Variants in PCDH15 observed in about 807,000 individuals in gnomAD.
The protein encoded by PCDH15 is protocadherin-15.
In PCDH15, 129 loss-of-function variants were observed where a neutral mutation model predicts 178.5. That is an observed-to-expected ratio of 0.72 (90% CI 0.63 to 0.84). PCDH15 has a LOEUF of 0.84. Ranked by LOEUF, PCDH15 falls within the 40% of genes least tolerant of loss-of-function variation. PCDH15 has a pLI of 0.00. For synonymous variants in PCDH15, 800 were observed against 732.0 expected (o/e 1.09, Z -1.50); for missense variants, 2,230 against 2,099.9 (o/e 1.06, Z -1.21).
intron 1 of PCDH15, among the ~76,000 whole-genome samples, chr10:54,723,075 C>T (rs1335742603): frequency 6.6e-6 from 1 of 151,396 alleles, no homozygotes; most frequent in Non-Finnish European, 1.5e-5. Flanking sequence ...CAAAATAGAT[C>T]CCAAATAGCC....
intron 2 of PCDH15, among the ~76,000 whole-genome samples, chr10:55,454,362 C>A (rs1398430911): frequency 2.0e-5 from 3 of 151,772 alleles, no homozygotes; most frequent in Non-Finnish European, 4.4e-5. Flanking sequence ...ATATAATTTC[C>A]CCCCAATTTA....
At chr10:55,414,892 C>T (rs1838439580) in intron 2 of PCDH15, among the ~76,000 whole-genome samples, 1 of 150,620 alleles carries the variant, frequency 6.6e-6, no homozygotes, top group South Asian at 2.1e-4. Context: ...TTACTTCTTC[C>T]TTTCTGATTT....
chr10:55,491,914 G>A (rs1378585574), intron 2 of PCDH15, among the ~76,000 whole-genome samples: 1 of 151,472 alleles, frequency 6.6e-6, no homozygotes, highest in East Asian at 2.0e-4. Flanking sequence ...ACCTACTCAA[G>A]GGCAATCAGA....
intron 4 of PCDH15, among the ~76,000 whole-genome samples, chr10:54,375,836 A>T (rs1948325737): frequency 1.0e-5 from 1 of 97,026 alleles, no homozygotes; most frequent in Non-Finnish European, 2.1e-5. Flanking sequence ...TTGAAATGGA[A>T]TATATATATA....
chr10:54,140,467 T>A (rs2043292862), intron 14 of PCDH15, among the ~76,000 whole-genome samples: 1 of 151,644 alleles, frequency 6.6e-6, no homozygotes. Flanking sequence ...TACTGTTTAT[T>A]TCTGCTTTTT....
intron 2 of PCDH15, among the ~76,000 whole-genome samples, chr10:55,024,096 G>A (rs1840411319): frequency 7.3e-6 from 1 of 136,556 alleles, no homozygotes; most frequent in African/African-American, 2.8e-5. Flanking sequence ...TATATAGGAA[G>A]GAATATACAT....
At chr10:55,159,088 G>C (rs2132110770) in intron 2 of PCDH15, among the ~76,000 whole-genome samples, 1 of 152,002 alleles carries the variant, frequency 6.6e-6, no homozygotes, top group Middle Eastern at 3.4e-3. Flanking sequence ...AATGACTTTA[G>C]TACAGACAAA....
At chr10:54,488,292 T>G (rs1167688205) in intron 3 of PCDH15, among the ~76,000 whole-genome samples, 1 of 151,880 alleles carries the variant, frequency 6.6e-6, no homozygotes, top group Non-Finnish European at 1.5e-5. Context: ...ATTAATTGGA[T>G]ACTTGGATTA....
At chr10:54,802,150 CAT>C (rs1156277702), upstream of PCDH15, among the ~76,000 whole-genome samples, 4 of 152,146 alleles carry the variant, frequency 2.6e-5, no homozygotes, top group Non-Finnish European at 4.4e-5. Context: ...CCCCAGAACA[CAT>C]GTTTTCTTAA....
At chr10:54,628,851 TC>T (rs2093627949) in intron 2 of PCDH15, among the ~76,000 whole-genome samples, 1 of 152,160 alleles carries the variant, frequency 6.6e-6, no homozygotes, top group African/African-American at 2.4e-5. Context: ...CACCAAGACT[TC>T]CATTTCAGTT....
At chr10:55,169,291 G>A (rs966817715) in intron 1 of PCDH15, among the ~76,000 whole-genome samples, 5 of 152,106 alleles carry the variant, frequency 3.3e-5, no homozygotes, top group Non-Finnish European at 7.4e-5. Flanking sequence ...TGAAAACGTC[G>A]TGTTGCACAC....
chr10:54,578,529 C>G (rs1194318012), intron 2 of PCDH15, among the ~76,000 whole-genome samples: 3 of 151,990 alleles, frequency 2.0e-5, no homozygotes, highest in African/African-American at 7.2e-5. Flanking sequence ...TAATTATAAA[C>G]ATAGTAATTT....
At chr10:54,354,024 T>G (rs568128261) in intron 5 of PCDH15, among the ~76,000 whole-genome samples, 36 of 152,328 alleles carry the variant, frequency 2.4e-4, no homozygotes, top group Admixed American at 2.0e-4. Context: ...TCGCTCTTGT[T>G]GGCCAGGCTG....
At chr10:55,269,597 T>G (rs1222186257) in intron 1 of PCDH15, among the ~76,000 whole-genome samples, 2 of 151,888 alleles carry the variant, frequency 1.3e-5, no homozygotes, top group Non-Finnish European at 1.5e-5. Context: ...TCTCTACAAG[T>G]AGAACTGCAA....
rs1246742567 is a variant in PCDH15 at position 54,622,691 on chromosome 10, A to T, written c.91+41481T>A. Among the ~76,000 whole-genome samples, 756 of 79,888 alleles carry T rather than the reference A, an allele frequency of 9.5e-3. 27 individuals carry two copies. The highest frequency in any genetic ancestry group is 0.04 in the African/African-American group (704 of 17,764). 52.4% of individuals were successfully genotyped at this position (79,888 alleles called of 152,430 possible). On this transcript the variant is annotated intron_variant, in intron 2 of 37. Transcript: ENST00000644397. ...TATTATATATAATATATATTATATA[A>T]TATATATTTTCTATATATTATATAT...
chr10:55,316,722 G>C (rs1843730804), intron 1 of PCDH15, among the ~76,000 whole-genome samples: 1 of 152,108 alleles, frequency 6.6e-6, no homozygotes, highest in South Asian at 2.1e-4. Flanking sequence ...TAACTTCTAA[G>C]TATCAGTTTC....
At chr10:55,347,601 A>T (rs1844797570) in intron 2 of PCDH15, among the ~76,000 whole-genome samples, 1 of 152,154 alleles carries the variant, frequency 6.6e-6, no homozygotes, top group African/African-American at 2.4e-5. Flanking sequence ...TATTTCATGT[A>T]AATTAATTAC....
chr10:55,001,751 G>C (rs1289356509), intron 2 of PCDH15, among the ~76,000 whole-genome samples: 2 of 152,152 alleles, frequency 1.3e-5, no homozygotes, highest in Non-Finnish European at 2.9e-5. Context: ...GCCAGGCCAA[G>C]TAGGTGGAAT....
intron 2 of PCDH15, among the ~76,000 whole-genome samples, chr10:54,903,067 T>A (rs917906698): frequency 6.6e-6 from 1 of 152,134 alleles, no homozygotes; most frequent in African/African-American, 2.4e-5. Flanking sequence ...TGGCCAAATA[T>A]ATATGAGTAT....
Sources: gnomAD v4.1 joint callset for allele counts (sites outside exome capture counted in the v4.1 genomes callset) on GRCh38, gnomAD v4.1.1 for gene constraint, MANE v1.5 for transcripts, NCBI Gene and HGNC (gene_info 2026-07-23, HGNC 2026-07-21) for gene names.